PFKFB4: variants seen among roughly 807,000 people sequenced by gnomAD.
PFKFB4 encodes the protein 6-phosphofructo-2-kinase/fructose-2,6-biphosphatase 4, also known as 6-phosphofructo-2-kinase/fructose-2,6-bisphosphatase 4.
In PFKFB4, 42 loss-of-function variants were observed where a neutral mutation model predicts 62.8. That is an observed-to-expected ratio of 0.67 (90% CI 0.52 to 0.86). The LOEUF is 0.86. Ranked by LOEUF, PFKFB4 falls within the 40% of genes least tolerant of loss-of-function variation. The pLI is 0.00. For synonymous variants in PFKFB4, 204 were observed against 240.7 expected, an observed-to-expected ratio of 0.85 and a Z score of 1.41; for missense variants, 475 against 627.2, an observed-to-expected ratio of 0.76 and a Z score of 2.59.
In PFKFB4 at chr3:48,543,696, G is replaced by A. The variant is rs200483736; in HGVS notation, c.312-50C>T. The A allele has an allele frequency of 8.0e-4, 1,193 of 1,493,022 alleles. 2 individuals carry two copies. Among genetic ancestry groups the A allele is most frequent in the Admixed American group, 1.2e-3 (67 of 54,072 alleles). The allele number at this position is 1,493,022 out of a possible 1,614,324, so 92.5% of individuals were successfully genotyped here. ...AGCCCAGCACCCGACCCTGGCTCCA[G>A]GAGGGTGGCCAGGGACACACAACAG... On this transcript the variant is annotated intron_variant, in intron 3 of 13. Coordinates refer to ENST00000232375, the MANE Select transcript of PFKFB4 (RefSeq NM_004567.4).
In PFKFB4 at chr3:48,556,101, G is replaced by A; in HGVS notation, c.97+580C>T. The A allele has an allele frequency of 2.2e-6, 1 of 456,752 alleles. No individual in the cohort carries two copies. Among genetic ancestry groups the A allele is most frequent in the South Asian group, 1.5e-5 (1 of 64,568 alleles). The allele number at this position is 456,752 out of a possible 1,614,324, so 28.3% of individuals were successfully genotyped here. The stretch of plus-strand genomic sequence containing the variant: ...GGATACTTACATGTCCCGGGACACA[G>A]ACACAGGCCCACACGGCATACTTTT... On this transcript the variant is annotated intron_variant, in intron 1 of 13. Transcript: ENST00000232375. The surrounding 1 kb of genome is among the most constrained non-coding windows in gnomAD (Gnocchi z 5.7).
upstream of PFKFB4, chr3:48,561,248 GC>G: frequency 2.9e-6 from 1 of 345,848 alleles, no homozygotes; most frequent in Non-Finnish European, 5.2e-6. This position sits in a 1 kb window ranked among gnomAD's most constrained non-coding sequence, Gnocchi z 5.2. Flanking sequence ...CTGTAGGCCC[GC>G]CCCCACAGGG....
rs747668445 is a variant in PFKFB4, at chr3:48,538,626, G to C, written c.511-7C>G. 1 of 1,614,162 alleles carries C rather than the reference G, an allele frequency of 6.2e-7. No individual in the cohort carries two copies. ...GGCTGCCCAGTTTCACTTGCTGCCG[G>C]AGCCAGGCACAGAGAAAGGACATAT... On this transcript the variant is annotated splice_region_variant and splice_polypyrimidine_tract_variant and intron_variant, in intron 6 of 13. Coordinates refer to ENST00000232375, the MANE Select transcript of PFKFB4 (RefSeq NM_004567.4).
rs1333588193 is a variant in PFKFB4 at position 48,521,022 on chromosome 3, G to A, written c.1350+964C>T. Among the ~76,000 whole-genome samples the A allele has an allele frequency of 6.6e-6, 1 of 152,230 alleles. No homozygotes were observed. Among genetic ancestry groups the A allele is most frequent in the Non-Finnish European group, 1.5e-5 (1 of 68,034 alleles). ...GGCTGAACTTGGCCAAGACATGCACGAACTATCAGAGCAATGGGAAGAGAG... is the reference window on the plus strand; with the variant it reads ...GGCTGAACTTGGCCAAGACATGCACAAACTATCAGAGCAATGGGAAGAGAG... On this transcript the variant is annotated intron_variant, in intron 13 of 13. Coordinates refer to ENST00000232375, the MANE Select transcript of PFKFB4 (RefSeq NM_004567.4). This position sits in a 1 kb window ranked among gnomAD's most constrained non-coding sequence, Gnocchi z 5.3.
Position 48,556,696 on chromosome 3 carries a change from C to T in PFKFB4, c.82G>A (p.Ala28Thr). The T allele has an allele frequency of 6.2e-7, 1 of 1,611,282 alleles. No homozygotes were observed. The highest frequency in any genetic ancestry group is 8.5e-7 in the Non-Finnish European group (1 of 1,178,678). Residue 28 changes from alanine (A) to threonine (T), a missense_variant, in exon 1 of 14, where the codon GCT becomes ACT. Physicochemically the swap from Ala to Thr is moderately conservative, Grantham distance 58. Coordinates refer to ENST00000232375, the MANE Select transcript of PFKFB4 (RefSeq NM_004567.4). This position sits in a 1 kb window ranked among gnomAD's most constrained non-coding sequence, Gnocchi z 5.7. ...PYSNGRPALH[A>T]CQRGVCMTNC... Reference sequence around the variant, plus strand: ...CCCGCCTCACCACCGCGCTGGCAAGCGTGCAGAGCGGGCCGCCCATTGCTG... The same window carrying T: ...CCCGCCTCACCACCGCGCTGGCAAGTGTGCAGAGCGGGCCGCCCATTGCTG...
intron 9 of PFKFB4, among the ~76,000 whole-genome samples, chr3:48,526,611 A>G (rs1486193445): frequency 1.3e-5 from 2 of 148,876 alleles, no homozygotes; most frequent in Non-Finnish European, 3.0e-5. Context: ...ATTGGATTAG[A>G]GTGGGTCCTA....
At chr3:48,520,234 C>T (rs1051872597) in intron 13 of PFKFB4, among the ~76,000 whole-genome samples, 5 of 152,120 alleles carry the variant, frequency 3.3e-5, no homozygotes, top group Non-Finnish European at 5.9e-5. Context: ...CAGAGGTGCC[C>T]CAGAAGCCTA....
At chr3:48,557,786 C>G (rs1333949016), upstream of PFKFB4, among the ~76,000 whole-genome samples, 1 of 152,198 alleles carries the variant, frequency 6.6e-6, no homozygotes, top group Non-Finnish European at 1.5e-5. Flanking sequence ...ATACGCCCTC[C>G]TCAGCCTTCC....
At chr3:48,526,693 C>G (rs1173561095) in intron 9 of PFKFB4, among the ~76,000 whole-genome samples, 1 of 151,834 alleles carries the variant, frequency 6.6e-6, no homozygotes, top group Non-Finnish European at 1.5e-5. Flanking sequence ...GTAATCCCAG[C>G]ACTTTGGGAG....
chr3:48,551,328 G>C (rs1317355522), intron 1 of PFKFB4, among the ~76,000 whole-genome samples: 2 of 148,732 alleles, frequency 1.3e-5, no homozygotes, highest in African/African-American at 5.0e-5. Flanking sequence ...CGATTCTCCT[G>C]CCTCAGCCTC....
In PFKFB4 at chr3:48,536,479, G is replaced by GT; in HGVS notation, c.633-17dup. 6.3e-7 allele frequency: 1 copy of GT among 1,589,360 alleles called. No individual in the cohort carries two copies. Among genetic ancestry groups the GT allele is most frequent in the Non-Finnish European group, 8.6e-7 (1 of 1,158,762 alleles). ...GGACAGGTCCCTGTCCAGAGAGAAAGTAGAAAGAGGCCTGTGAGCGTGGCC... is the reference window on the plus strand; with the variant it reads ...GGACAGGTCCCTGTCCAGAGAGAAAGTTAGAAAGAGGCCTGTGAGCGTGGCC... On this transcript the variant is annotated splice_polypyrimidine_tract_variant and intron_variant, in intron 7 of 13. Coordinates refer to ENST00000232375, the MANE Select transcript of PFKFB4 (RefSeq NM_004567.4).
chr3:48,542,981 G>C (rs1575387092), intron 4 of PFKFB4, among the ~76,000 whole-genome samples: 2 of 152,190 alleles, frequency 1.3e-5, no homozygotes, highest in Admixed American at 6.5e-5. Context: ...TTCAACCCAG[G>C]AGAGAGAAGG....
At chr3:48,542,797 A>C (rs2042841254) in intron 4 of PFKFB4, among the ~76,000 whole-genome samples, 1 of 152,208 alleles carries the variant, frequency 6.6e-6, no homozygotes, top group Non-Finnish European at 1.5e-5. Flanking sequence ...TCCACCTAGA[A>C]ATTCTATACC....
upstream of PFKFB4, chr3:48,562,800 C>T (rs1270341491): frequency 1.3e-6 from 2 of 1,554,810 alleles, no homozygotes; most frequent in Non-Finnish European, 1.7e-6. This position sits in a 1 kb window ranked among gnomAD's most constrained non-coding sequence, Gnocchi z 4.3. Flanking sequence ...CAGTGGCCGA[C>T]ACGGGCCAGG....
At chr3:48,525,908 A>G (rs2042242536) in intron 9 of PFKFB4, 1 of 333,176 alleles carries the variant, frequency 3.0e-6, no homozygotes, top group Non-Finnish European at 5.5e-6. Context: ...CATCCAATAC[A>G]CACAGAGATG....
chr3:48,526,492 G>A (rs145775858), intron 9 of PFKFB4, among the ~76,000 whole-genome samples: 1 of 149,310 alleles, frequency 6.7e-6, no homozygotes, highest in East Asian at 2.0e-4. Context: ...AGAATCGCAT[G>A]TACCCAAGAG....
chr3:48,557,749 C>T (rs1004012688), upstream of PFKFB4, among the ~76,000 whole-genome samples: 4 of 152,064 alleles, frequency 2.6e-5, no homozygotes, highest in Non-Finnish European at 4.4e-5. Flanking sequence ...GTTGGCCGGG[C>T]TGGTCTCGAA....
chr3:48,559,323 G>A (rs1039648501), upstream of PFKFB4, among the ~76,000 whole-genome samples: 1 of 152,238 alleles, frequency 6.6e-6, no homozygotes, highest in Non-Finnish European at 1.5e-5. Context: ...CATCTGCTCT[G>A]AGGATATTCT....
intron 4 of PFKFB4, among the ~76,000 whole-genome samples, chr3:48,540,678 T>C (rs1298542673): frequency 2.6e-5 from 4 of 152,024 alleles, no homozygotes; most frequent in African/African-American, 7.3e-5. Context: ...GGAGCAATCA[T>C]AGCTCACTGC....
Sources: gnomAD v4.1 joint callset for allele counts (sites outside exome capture counted in the v4.1 genomes callset) on GRCh38, gnomAD v4.1.1 for gene constraint, Gnocchi (gnomAD v3.1) non-coding constraint, MANE v1.5 for transcripts, NCBI Gene and HGNC (gene_info 2026-07-23, HGNC 2026-07-21) for gene names.